Variants in VIPR1 observed in about 807,000 individuals in gnomAD.
VIPR1 encodes the protein vasoactive intestinal peptide receptor 1.
In VIPR1, 59 loss-of-function variants were observed where a neutral mutation model predicts 58.8. That is an observed-to-expected ratio of 1.00 (90% CI 0.81 to 1.25). The LOEUF is 1.25. Among genes scored for constraint, VIPR1 ranks in the 50% most tolerant of loss-of-function variants. The probability of loss-of-function intolerance (pLI) is 0.00; values close to 1 mark genes in which losing one functional copy is unlikely to be tolerated. For synonymous variants in VIPR1, 251 were observed against 242.1 expected, an observed-to-expected ratio of 1.04 and a Z score of -0.34; for missense variants, 626 against 602.7, an observed-to-expected ratio of 1.04 and a Z score of -0.40.
At chr3:42,520,907 T>C (rs1700884014) in intron 3 of VIPR1, among the ~76,000 whole-genome samples, 2 of 152,042 alleles carry the variant, frequency 1.3e-5, no homozygotes, top group Admixed American at 1.3e-4. Context: ...CATGCCATAT[T>C]CCAGGCCAGT....
At chr3:42,490,647 G>T (rs1406508198) in intron 1 of VIPR1, among the ~76,000 whole-genome samples, 1 of 152,150 alleles carries the variant, frequency 6.6e-6, no homozygotes, top group Non-Finnish European at 1.5e-5. Flanking sequence ...CTGCCTCCAG[G>T]TACCCTAGAG....
chr3:42,506,340 C>T (rs1700120702), intron 1 of VIPR1: 1 of 152,198 alleles, frequency 6.6e-6, no homozygotes, highest in Non-Finnish European at 1.5e-5. Flanking sequence ...CACTGTGGCT[C>T]CTTTGGCCAT....
chr3:42,503,548 T>G (rs1699973812), intron 1 of VIPR1, among the ~76,000 whole-genome samples: 1 of 152,138 alleles, frequency 6.6e-6, no homozygotes, highest in Admixed American at 6.5e-5. Context: ...TTGATACATG[T>G]GTACTCGTGT....
rs951001879 is a variant in VIPR1, at chr3:42,536,545, A to G, written c.*264A>G. 6 of 406,996 alleles carry G rather than the reference A, an allele frequency of 1.5e-5. No homozygotes were observed. Among genetic ancestry groups the G allele is most frequent in the Non-Finnish European group, 2.2e-5 (5 of 231,466 alleles). 25.2% of individuals were successfully genotyped at this position (406,996 alleles called of 1,614,324 possible). ...AACTCAGTCATTAGACTCCTCCTCC[A>G]AAGGCCCCCTACGCCAATCAAGGGC... On this transcript the variant is annotated 3_prime_UTR_variant, in exon 13 of 13. Coordinates refer to ENST00000325123, the MANE Select transcript of VIPR1 (RefSeq NM_004624.4).
upstream of VIPR1, among the ~76,000 whole-genome samples, chr3:42,500,640 GAC>G (rs1310875897): frequency 6.6e-6 from 1 of 152,142 alleles, no homozygotes; most frequent in Non-Finnish European, 1.5e-5. Flanking sequence ...CCAGGAAAAA[GAC>G]ACAATTCCAC....
At chr3:42,509,951 C>T (rs1020258381) in intron 1 of VIPR1, among the ~76,000 whole-genome samples, 11 of 152,228 alleles carry the variant, frequency 7.2e-5, no homozygotes, top group Non-Finnish European at 1.6e-4. Context: ...CCACCACCTG[C>T]AACCTGAGGG....
chr3:42,536,224 C>G lies in VIPR1; in HGVS notation c.1317C>G (p.Arg439=). The G allele has an allele frequency of 6.3e-7, 1 of 1,583,812 alleles. No individual in the cohort carries two copies. Among genetic ancestry groups the G allele is most frequent in the Non-Finnish European group, 8.6e-7 (1 of 1,167,580 alleles). ...TCSTQVSMLT[R]VSPGARRSSS... is the part of the protein sequence containing the mutation. ...GCACGCAGGTTTCCATGCTGACCCG[C>G]GTCAGCCCAGGTGCCCGCCGCTCCT... Residue 439 remains arginine (R), a synonymous_variant, in exon 13 of 13, where the codon CGC becomes CGG. Coordinates refer to ENST00000325123, the MANE Select transcript of VIPR1 (RefSeq NM_004624.4).
intron 10 of VIPR1, chr3:42,532,994 G>C (rs1701651317): frequency 6.6e-6 from 1 of 152,644 alleles, no homozygotes; most frequent in African/African-American, 2.4e-5. Context: ...TGTCAGGACT[G>C]TTCCCCCTGC....
intron 1 of VIPR1, chr3:42,513,072 C>G (rs1436687789): frequency 1.5e-6 from 1 of 665,952 alleles, no homozygotes. Context: ...GCAGGGGAGG[C>G]CTGGTGGGAT....
In VIPR1 at chr3:42,536,289, G is replaced by A. The variant is rs1439131379; in HGVS notation, c.*8G>A. On this transcript the variant is annotated 3_prime_UTR_variant, in exon 13 of 13. Coordinates refer to ENST00000325123, the MANE Select transcript of VIPR1 (RefSeq NM_004624.4). The stretch of plus-strand genomic sequence containing the variant: ...GAAGTCTCCCTGGTCTGACCACCAG[G>A]ATCCCAGGGGCCCAAGGCGGCCCCT... The A allele has an allele frequency of 6.5e-6, 10 of 1,533,648 alleles. No individual in the cohort carries two copies. Among genetic ancestry groups the A allele is most frequent in the Non-Finnish European group, 8.7e-6 (10 of 1,145,976 alleles).
chr3:42,503,288 T>G (rs899865460), intron 1 of VIPR1, among the ~76,000 whole-genome samples: 1 of 152,064 alleles, frequency 6.6e-6, no homozygotes, highest in African/African-American at 2.4e-5. Context: ...GCCCCAGGAC[T>G]TGAGAAGGGG....
At chr3:42,532,504 C>G in intron 10 of VIPR1, 171 bp downstream of exon 10, 6 of 683,918 alleles carry the variant, frequency 8.8e-6, no homozygotes, top group Admixed American at 2.2e-5. Flanking sequence ...TCCCCTGCTC[C>G]AGCCCCACCC....
Position 42,535,042 on chromosome 3 carries a change from T to C in VIPR1, c.1078T>C (p.Phe360Leu). The part of the protein sequence containing the change: ...FGVHYIMFAF[F>L]PDNFKPEVKM... ...AGTACACTACATCATGTTCGCCTTCTTTCCGGACAATTTTAAGCCTGAAGT... is the reference window on the plus strand; with the variant it reads ...AGTACACTACATCATGTTCGCCTTCCTTCCGGACAATTTTAAGCCTGAAGT... The change falls in exon 11 of 13, where the codon TTT (phenylalanine) becomes CTT (leucine). Residue 360 changes from phenylalanine to leucine, a missense_variant. Coordinates refer to ENST00000325123, the MANE Select transcript of VIPR1 (RefSeq NM_004624.4). 1 of 1,614,194 alleles carries C rather than the reference T, an allele frequency of 6.2e-7. No individual in the cohort carries two copies. The highest frequency in any genetic ancestry group is 8.5e-7 in the Non-Finnish European group (1 of 1,180,024).
At chr3:42,522,102 T>TATATATATATATA (rs1553638336) in intron 3 of VIPR1, among the ~76,000 whole-genome samples, 42 of 13,612 alleles carry the variant, frequency 3.1e-3, no homozygotes, top group South Asian at 0.013. Flanking sequence ...TATATATATA[T>TATATATATATATA]TTTTTTTTTT....
At chr3:42,513,626 A>G in intron 1 of VIPR1, 123 bp from the exon 2 acceptor site, 2 of 1,022,614 alleles carry the variant, frequency 2.0e-6, no homozygotes. Flanking sequence ...TTGGGTTGGT[A>G]TTGGGGTTCC....
chr3:42,520,117 A>G (rs1483551611), intron 3 of VIPR1, among the ~76,000 whole-genome samples: 1 of 152,230 alleles, frequency 6.6e-6, no homozygotes, highest in East Asian at 1.9e-4. Flanking sequence ...GAGGTGAGAA[A>G]GAACCACCAG....
intron 1 of VIPR1, among the ~76,000 whole-genome samples, chr3:42,492,986 TA>T (rs764038685): frequency 1.3e-5 from 2 of 152,240 alleles, no homozygotes; most frequent in Non-Finnish European, 2.9e-5. Flanking sequence ...AGGAGATCTC[TA>T]ACATTTTCCC....
chr3:42,532,605 AG>A (rs1221407527), intron 10 of VIPR1: 2 of 555,636 alleles, frequency 3.6e-6, no homozygotes, highest in East Asian at 6.1e-5. Context: ...CAAGCCAGGG[AG>A]CTCAAGAGGA....
rs372664609 is a variant in VIPR1, at chr3:42,519,273, G to A, written c.235G>A (p.Gly79Ser). The A allele has an allele frequency of 5.6e-6, 9 of 1,611,128 alleles. No individual in the cohort carries two copies. The African/African-American group carries it at 1.2e-4, about 22-fold the overall frequency. Reference protein sequence around the residue: ...NLTCWPATPRGQVVVLACPLI... With the variant: ...NLTCWPATPRSQVVVLACPLI... ...CACCTGCTGGCCAGCCACCCCTCGG[G>A]GCCAGGTAGTTGTCTTGGCCTGTCC... Residue 79 changes from glycine to serine, a missense_variant, in exon 3 of 13, where the codon GGC (glycine) becomes AGC (serine). Gly to Ser is a moderately conservative substitution (Grantham distance 56, BLOSUM62 0). Coordinates refer to ENST00000325123, the MANE Select transcript of VIPR1 (RefSeq NM_004624.4).
Sources: gnomAD v4.1 joint callset for allele counts (sites outside exome capture counted in the v4.1 genomes callset) on GRCh38, gnomAD v4.1.1 for gene constraint, MANE v1.5 for transcripts, NCBI Gene and HGNC (gene_info 2026-07-23, HGNC 2026-07-21) for gene names.